PRIM2: variants seen among roughly 807,000 people sequenced by gnomAD.
The protein encoded by PRIM2 is DNA primase subunit 2.
PRIM2 carries 39 observed loss-of-function variants against 67.3 expected under a neutral mutation model. The observed-to-expected ratio is 0.58, with a 90% CI of 0.45 to 0.76. The LOEUF (loss-of-function observed/expected upper bound fraction) is 0.76. PRIM2 is among the 30% of genes least tolerant of loss of function. PRIM2 has a pLI of 0.00. For synonymous variants in PRIM2, 143 were observed against 198.7 expected (o/e 0.72, Z 2.36); for missense variants, 398 against 598.7 (o/e 0.66, Z 3.50).
In PRIM2 at chr6:57,357,999, A is replaced by G. The variant is rs572728638; in HGVS notation, c.460-21902A>G. On this transcript the variant is annotated intron_variant, in intron 5 of 13. Transcript: ENST00000615550. ...CCCTGAATATGGTGTTTATTACCTA[A>G]CACAATGTCTAGCCTATAGGAGGTA... Among the ~76,000 whole-genome samples the G allele has an allele frequency of 1.3e-3, 197 of 152,306 alleles. 5 individuals are homozygous for G. In the East Asian group the frequency reaches 0.017, roughly 13 times the overall value.
intron 7 of PRIM2, among the ~76,000 whole-genome samples, chr6:57,442,745 A>T (rs1772239171): frequency 6.6e-6 from 1 of 152,184 alleles, no homozygotes; most frequent in African/African-American, 2.4e-5. Context: ...ATTTATGAAT[A>T]CAATGTGGAA....
chr6:57,408,659 A>G (rs1770982871), intron 7 of PRIM2, among the ~76,000 whole-genome samples: 1 of 152,104 alleles, frequency 6.6e-6, no homozygotes, highest in Non-Finnish European at 1.5e-5. Flanking sequence ...TACACTATGT[A>G]TTCTTCTGCA....
At chr6:57,597,151 A>C (rs1776380954) in intron 10 of PRIM2, among the ~76,000 whole-genome samples, 1 of 152,128 alleles carries the variant, frequency 6.6e-6, no homozygotes. Flanking sequence ...ATAAATACAA[A>C]AATAAATTCC....
At chr6:57,243,420 A>G in the PRIM2 span, among the ~76,000 whole-genome samples, 1 of 152,166 alleles carries the variant, frequency 6.6e-6, no homozygotes, top group South Asian at 2.1e-4. Context: ...GTTAATTGGA[A>G]TATTGGGACA....
chr6:57,638,851 GAC>G (rs1428319878), intron 13 of PRIM2, among the ~76,000 whole-genome samples: 4 of 152,088 alleles, frequency 2.6e-5, no homozygotes, highest in African/African-American at 9.7e-5. Context: ...AGATCAACGA[GAC>G]AGAAAATTAA....
rs1321190421 is a variant in PRIM2 at position 57,326,015 on chromosome 6, CTTAAA to C, written c.430_434del (p.Leu144GlyfsTer2). 1 of 1,612,800 alleles carries C rather than the reference CTTAAA, an allele frequency of 6.2e-7. No homozygotes were observed. The highest frequency in any genetic ancestry group is 8.5e-7 in the Non-Finnish European group (1 of 1,179,568). On this transcript the variant is annotated frameshift_variant, in exon 5 of 14. Coordinates refer to ENST00000615550, the MANE Select transcript of PRIM2 (RefSeq NM_000947.5). LOFTEE classifies it high-confidence loss of function. ...TACCCAAGGATAAAATTCAGGATTT[CTTAAA>C]GGATAGCCAATTGCAGTTTGAGGCT...
At chr6:57,414,780 A>G (rs1406695662) in intron 7 of PRIM2, among the ~76,000 whole-genome samples, 1 of 152,090 alleles carries the variant, frequency 6.6e-6, no homozygotes, top group Non-Finnish European at 1.5e-5. Context: ...TCTTTATGAT[A>G]TATATAAATT....
At chr6:57,505,845 G>T (rs1302674764) in intron 7 of PRIM2, among the ~76,000 whole-genome samples, 1 of 151,274 alleles carries the variant, frequency 6.6e-6, no homozygotes, top group Non-Finnish European at 1.5e-5. Context: ...TATATAGATT[G>T]ACAGAAGTGA....
intron 10 of PRIM2, among the ~76,000 whole-genome samples, chr6:57,564,040 A>T (rs1438936608): frequency 6.6e-6 from 1 of 152,222 alleles, no homozygotes; most frequent in Non-Finnish European, 1.5e-5. Context: ...AAAATAAAAG[A>T]TACTAATGAG....
chr6:57,287,752 G>A, the PRIM2 span, among the ~76,000 whole-genome samples: 5 of 149,994 alleles, frequency 3.3e-5, no homozygotes, highest in East Asian at 9.9e-4. Context: ...TTCAGCACAT[G>A]TATCCCAGAA....
chr6:57,342,781 G>C (rs4992407), intron 5 of PRIM2, among the ~76,000 whole-genome samples: 1 of 152,148 alleles, frequency 6.6e-6, no homozygotes, highest in Non-Finnish European at 1.5e-5. Flanking sequence ...GAGGGCTTTT[G>C]GGTGAAGGCA....
chr6:57,466,318 A>G (rs1421671004), intron 7 of PRIM2, among the ~76,000 whole-genome samples: 1 of 152,138 alleles, frequency 6.6e-6, no homozygotes, highest in Non-Finnish European at 1.5e-5. Context: ...ATGATTTATA[A>G]TCCTTTGGGT....
Position 57,320,524 on chromosome 6 carries a change from G to A in PRIM2, c.222G>A (p.Leu74=), listed in dbSNP as rs369732032. Residue 74 remains leucine, a synonymous_variant, in exon 3 of 14, where the codon TTG becomes TTA. Transcript: ENST00000615550. ...GAACTGAACAATACCAGAGTAAGTTGGAGAGTGAGCTTCGGAAGCTCAAGT... is the reference window on the plus strand; with the variant it reads ...GAACTGAACAATACCAGAGTAAGTTAGAGAGTGAGCTTCGGAAGCTCAAGT... ...VKGTEQYQSK[L]ESELRKLKFS... 8 of 1,609,572 alleles carry A rather than the reference G, an allele frequency of 5.0e-6. No individual in the cohort carries two copies. The highest frequency in any genetic ancestry group is 1.3e-5 in the African/African-American group (1 of 74,814).
At chr6:57,522,760 T>C (rs1340700187) in intron 8 of PRIM2, among the ~76,000 whole-genome samples, 1 of 152,224 alleles carries the variant, frequency 6.6e-6, no homozygotes, top group Non-Finnish European at 1.5e-5. Context: ...TTGTTGAACA[T>C]CTCAATTTAG....
At chr6:57,373,803 A>T (rs1307978140) in intron 5 of PRIM2, among the ~76,000 whole-genome samples, 1 of 152,078 alleles carries the variant, frequency 6.6e-6, no homozygotes, top group East Asian at 1.9e-4. Flanking sequence ...CCATTGGTCT[A>T]TGTGCCTGTT....
intron 7 of PRIM2, among the ~76,000 whole-genome samples, chr6:57,405,149 G>GT (rs770876191): frequency 1.2e-4 from 18 of 145,684 alleles, no homozygotes; most frequent in South Asian, 2.1e-4. Flanking sequence ...TACTGAAATA[G>GT]TTTTTTTTTT....
At chr6:57,338,283 G>A (rs1221144589) in intron 5 of PRIM2, among the ~76,000 whole-genome samples, 1 of 152,100 alleles carries the variant, frequency 6.6e-6, no homozygotes, top group East Asian at 1.9e-4. Flanking sequence ...AGAGGTACAA[G>A]GAGGAACTGG....
At chr6:57,483,416 AC>A (rs1332097179) in intron 7 of PRIM2, among the ~76,000 whole-genome samples, 6 of 152,282 alleles carry the variant, frequency 3.9e-5, no homozygotes, top group Middle Eastern at 3.4e-3. Flanking sequence ...ACACATATCT[AC>A]CCATATATCT....
At chr6:57,611,688 A>G (rs1776669345) in intron 12 of PRIM2, among the ~76,000 whole-genome samples, 1 of 152,162 alleles carries the variant, frequency 6.6e-6, no homozygotes, top group African/African-American at 2.4e-5. Context: ...AAACTTACAA[A>G]AGAAAACAGC....
Sources: allele counts gnomAD v4.1 joint callset (sites outside exome capture counted in the v4.1 genomes callset), GRCh38; gene constraint gnomAD v4.1.1; transcripts MANE v1.5; gene names NCBI Gene and HGNC (gene_info 2026-07-23, HGNC 2026-07-21).